The following TJP2 variants were observed in gnomAD, a reference collection of about 807,000 sequenced individuals.
TJP2 encodes tight junction protein 2.
Under a neutral mutation model 133.1 loss-of-function variants are expected in TJP2, and 91 were observed. The ratio of observed to expected loss-of-function variants is 0.68; its 90% CI spans 0.58 to 0.81. The LOEUF is 0.81. Ranked by LOEUF, TJP2 falls within the 40% of genes least tolerant of loss-of-function variation. The pLI is 0.00. For missense variants in TJP2, 1,541 were observed against 1,565.6 expected, an observed-to-expected ratio of 0.98 and a Z score of 0.26; for synonymous variants, 592 against 583.4, an observed-to-expected ratio of 1.01 and a Z score of -0.21.
intron 2 of TJP2, among the ~76,000 whole-genome samples, chr9:69,158,165 A>G (rs1476021371): frequency 1.3e-5 from 2 of 151,646 alleles, no homozygotes; most frequent in African/African-American, 4.8e-5. Flanking sequence ...AACAAAAACA[A>G]AAAATTAGCC....
chr9:69,212,563 G>C lies in TJP2; in HGVS notation c.76G>C (p.Glu26Gln), dbSNP rs1827998431. 1 of 1,613,414 alleles carries C rather than the reference G, an allele frequency of 6.2e-7. No homozygotes were observed. Among genetic ancestry groups the C allele is most frequent in the Non-Finnish European group, 8.5e-7 (1 of 1,179,438 alleles). Reference sequence around the variant, plus strand: ...TTTAAAACAGGCCCCAGGCATGGAAGAGCTGATATGGGAACAGTACACTGT... The same window carrying C: ...TTTAAAACAGGCCCCAGGCATGGAACAGCTGATATGGGAACAGTACACTGT... ...SGWLRAPGME[E>Q]LIWEQYTVTL... The change falls in exon 2 of 23, where the codon GAG (glutamate) becomes CAG (glutamine). Residue 26 changes from glutamate (E) to glutamine (Q), a missense_variant. Glu to Gln is a conservative substitution (Grantham distance 29, BLOSUM62 2). Coordinates refer to ENST00000377245, the MANE Select transcript of TJP2 (RefSeq NM_004817.4).
At chr9:69,133,778 TG>T (rs1822603861) in intron 1 of TJP2, among the ~76,000 whole-genome samples, 1 of 151,912 alleles carries the variant, frequency 6.6e-6, no homozygotes, top group Admixed American at 6.6e-5. Context: ...CTCGAATTCC[TG>T]ACCTCAAGTG....
chr9:69,224,413 C>T (rs1020231593), intron 5 of TJP2, among the ~76,000 whole-genome samples: 1 of 152,124 alleles, frequency 6.6e-6, no homozygotes, highest in African/African-American at 2.4e-5. Flanking sequence ...CGCAGTGGCT[C>T]ACACCTGTAA....
At chr9:69,215,238 A>G (rs1198752799) in intron 2 of TJP2, among the ~76,000 whole-genome samples, 1 of 152,190 alleles carries the variant, frequency 6.6e-6, no homozygotes, top group African/African-American at 2.4e-5. Flanking sequence ...CTTGAGTGAC[A>G]GGATCATTAG....
At chr9:69,181,071 T>C (rs569353245) in intron 1 of TJP2, among the ~76,000 whole-genome samples, 13 of 152,198 alleles carry the variant, frequency 8.5e-5, no homozygotes, top group African/African-American at 3.1e-4. Flanking sequence ...ATTTATATAG[T>C]GAGTAGATGA....
At chr9:69,243,286 C>T (rs1026694516) in intron 17 of TJP2, among the ~76,000 whole-genome samples, 17 of 152,206 alleles carry the variant, frequency 1.1e-4, no homozygotes, top group Admixed American at 4.6e-4. Context: ...GCATTAGTCT[C>T]TTTAGGCTCA....
At position 69,225,426 on chromosome 9, in the gene TJP2, A is replaced by G; in HGVS notation, c.1056+19A>G. On this transcript the variant is annotated intron_variant, in intron 6 of 22. Coordinates refer to ENST00000377245, the MANE Select transcript of TJP2 (RefSeq NM_004817.4). Reference sequence around the variant, plus strand: ...TCTCAAGGTGGGTAGATGGGGGCAGAGAACGGTAGTGTGCATACTGCCGTT... The same window carrying G: ...TCTCAAGGTGGGTAGATGGGGGCAGGGAACGGTAGTGTGCATACTGCCGTT... 6.5e-7 allele frequency: 1 copy of G among 1,540,382 alleles called. No homozygotes were observed. The highest frequency in any genetic ancestry group is 9.0e-7 in the Non-Finnish European group (1 of 1,113,954).
intron 1 of TJP2, among the ~76,000 whole-genome samples, chr9:69,190,381 A>C (rs1826128106): frequency 6.6e-6 from 1 of 152,208 alleles, no homozygotes; most frequent in Admixed American, 6.5e-5. Context: ...GCTTCCCCTG[A>C]AGTATGTGAT....
At chr9:69,223,566 C>T (rs945219875) in intron 5 of TJP2, among the ~76,000 whole-genome samples, 8 of 152,320 alleles carry the variant, frequency 5.3e-5, no homozygotes, top group Admixed American at 4.6e-4. Context: ...CTCAGCCTCC[C>T]GAAGTGCTGG....
chr9:69,145,694 G>C (rs1823183893), intron 1 of TJP2: 1 of 1,226,662 alleles, frequency 8.2e-7, no homozygotes, highest in Non-Finnish European at 1.0e-6. Flanking sequence ...CTTGTACCGA[G>C]AGAGACAAGA....
Position 69,210,295 on chromosome 9 carries a change from C to T in TJP2, c.61-2253C>T, listed in dbSNP as rs985618612. On this transcript the variant is annotated intron_variant, in intron 1 of 22. Coordinates refer to ENST00000377245, the MANE Select transcript of TJP2 (RefSeq NM_004817.4). The stretch of plus-strand genomic sequence containing the variant: ...CAGAGTGAGACCCCGTCCCCCCCCC[C>T]CCCCAAAAAAAAAAAAAGTAGCAGC... Among the ~76,000 whole-genome samples, 11 of 50,226 alleles carry T rather than the reference C, an allele frequency of 2.2e-4. 2 individuals are homozygous for T. The highest frequency in any genetic ancestry group is 1.0e-3 in the East Asian group (1 of 978). The allele number at this position is 50,226 out of a possible 152,430, so 33.0% of individuals were successfully genotyped here.
rs1271803033 is a variant in TJP2, at chr9:69,236,160, A to G, written c.1913A>G (p.Tyr638Cys). The change falls in exon 13 of 23, where the codon TAT becomes TGT. Residue 638 changes from tyrosine (Y) to cysteine (C), a missense_variant. Coordinates refer to ENST00000377245, the MANE Select transcript of TJP2 (RefSeq NM_004817.4). ...GTCTTCCGAGTGGTAGACACACTGTATGACGGCAAGCTGGGCAACTGGCTG... is the reference window on the plus strand; with the variant it reads ...GTCTTCCGAGTGGTAGACACACTGTGTGACGGCAAGCTGGGCAACTGGCTG... ...GEVFRVVDTL[Y>C]DGKLGNWLAV... is the part of the protein sequence containing the mutation. 5 of 1,614,080 alleles carry G rather than the reference A, an allele frequency of 3.1e-6. No homozygotes were observed. In the African/African-American group the frequency reaches 4.0e-5, roughly 13 times the overall value.
rs777573178 is a variant in TJP2 at position 69,254,352 on chromosome 9, G to A, written c.3551G>A (p.Arg1184Gln). The change falls in exon 23 of 23, where the codon CGA becomes CAA. Residue 1184 changes from arginine (R) to glutamine (Q), a missense_variant. Arg to Gln is a conservative substitution (Grantham distance 43, BLOSUM62 1). Coordinates refer to ENST00000377245, the MANE Select transcript of TJP2 (RefSeq NM_004817.4). ...SKRGYYGQSARYRDTEL is the reference protein window; with the variant it reads ...SKRGYYGQSAQYRDTEL Reference sequence around the variant, plus strand: ...CGCGGTTACTATGGCCAGTCTGCCCGATACCGGGACACAGAATTATAGATG... The same window carrying A: ...CGCGGTTACTATGGCCAGTCTGCCCAATACCGGGACACAGAATTATAGATG... 7.4e-6 allele frequency: 12 copies of A among 1,614,092 alleles called. No individual in the cohort carries two copies. The highest frequency in any genetic ancestry group is 3.3e-4 in the Middle Eastern group (2 of 6,080).
rs374453976 is a variant in TJP2, at chr9:69,248,119, G to A, written c.2775G>A (p.Thr925=). ...DSRLISDFED[T]DGEGGAYTDN... is the part of the protein sequence containing the mutation. ...GCCTCATCAGTGACTTTGAAGACAC[G>A]GACGGTGAAGGAGGCGCCTACACTG... Residue 925 remains threonine (T), a synonymous_variant, in exon 19 of 23, where the codon ACG becomes ACA. Coordinates refer to ENST00000377245, the MANE Select transcript of TJP2 (RefSeq NM_004817.4). 211 of 1,614,188 alleles carry A rather than the reference G, an allele frequency of 1.3e-4. No individual in the cohort carries two copies. The South Asian group carries it at 1.9e-3, about 15-fold the overall frequency.
intron 1 of TJP2, among the ~76,000 whole-genome samples, chr9:69,141,820 C>T (rs1823030519): frequency 6.6e-6 from 1 of 152,122 alleles, no homozygotes; most frequent in East Asian, 1.9e-4. Context: ...AACTCCTGGC[C>T]TCATGTGATC....
chr9:69,227,767 A>G lies in TJP2; in HGVS notation c.1213A>G (p.Ile405Val). 6.3e-7 allele frequency: 1 copy of G among 1,586,910 alleles called. No individual in the cohort carries two copies. The highest frequency in any genetic ancestry group is 8.6e-7 in the Non-Finnish European group (1 of 1,156,982). Residue 405 changes from isoleucine (I) to valine (V), a missense_variant and splice_region_variant, in exon 8 of 23, where the codon ATT (isoleucine) becomes GTT (valine). Ile to Val is a conservative substitution (Grantham distance 29). Coordinates refer to ENST00000377245, the MANE Select transcript of TJP2 (RefSeq NM_004817.4). ...LNDSDSEIED[I>V]SEIESNRSFS... Reference sequence around the variant, plus strand: ...TCTTTTCTTATTTTTGAAACTAGATATTTCAGAAATAGAGTCAAACCGATC... The same window carrying G: ...TCTTTTCTTATTTTTGAAACTAGATGTTTCAGAAATAGAGTCAAACCGATC...
intron 1 of TJP2, among the ~76,000 whole-genome samples, chr9:69,203,704 C>G (rs1041728947): frequency 1.3e-5 from 2 of 148,768 alleles, no homozygotes; most frequent in African/African-American, 5.0e-5. Context: ...ACCTCCGCCT[C>G]CTGGGCTCAG....
intron 1 of TJP2, among the ~76,000 whole-genome samples, chr9:69,179,821 C>T (rs991253276): frequency 3.3e-5 from 5 of 152,140 alleles, no homozygotes; most frequent in Admixed American, 6.5e-5. Context: ...CTTAATGGAT[C>T]TTCCATGAAT....
upstream of TJP2, among the ~76,000 whole-genome samples, chr9:69,173,092 T>G (rs1192105540): frequency 6.6e-6 from 1 of 152,162 alleles, no homozygotes; most frequent in East Asian, 1.9e-4. Context: ...TCCACGAAAC[T>G]TCTAGACTTG....
Sources: gnomAD v4.1 joint callset for allele counts (sites outside exome capture counted in the v4.1 genomes callset) on GRCh38, gnomAD v4.1.1 for gene constraint, MANE v1.5 for transcripts, NCBI Gene and HGNC (gene_info 2026-07-23, HGNC 2026-07-21) for gene names.